Variants in SVEP1 observed in about 807,000 individuals in gnomAD.
The protein encoded by SVEP1 is sushi, von Willebrand factor type A, EGF and pentraxin domain-containing protein 1.
SVEP1 carries 164 observed loss-of-function variants against 367.3 expected under a neutral mutation model. That is an observed-to-expected ratio of 0.45 (90% CI 0.39 to 0.51). SVEP1 has a LOEUF of 0.51. SVEP1 is among the 20% of genes least tolerant of loss of function. SVEP1 has a pLI of 0.00. For missense variants in SVEP1, 4,117 were observed against 4,425.3 expected, an observed-to-expected ratio of 0.93 and a Z score of 1.98; for synonymous variants, 1,666 against 1,611.6, an observed-to-expected ratio of 1.03 and a Z score of -0.81.
chr9:110,488,591 G>C (rs1261457311), intron 9 of SVEP1, among the ~76,000 whole-genome samples: 1 of 152,160 alleles, frequency 6.6e-6, no homozygotes, highest in Non-Finnish European at 1.5e-5. Context: ...GCTGGGTGTG[G>C]TGGCTCACAC....
rs543142891 is a variant in SVEP1 at position 110,579,431 on chromosome 9, G to A, written c.113C>T (p.Thr38Ile). 3 of 1,590,074 alleles carry A rather than the reference G, an allele frequency of 1.9e-6. No homozygotes were observed. Among genetic ancestry groups the A allele is most frequent in the South Asian group, 1.1e-5 (1 of 87,934 alleles). Residue 38 changes from threonine (T) to isoleucine (I), a missense_variant, in exon 1 of 48, where the codon ACC becomes ATC. By Grantham distance (89) the Thr-to-Ile change is moderately conservative (BLOSUM62 -1). Transcript: ENST00000374469. This position sits in a 1 kb window ranked among gnomAD's most constrained non-coding sequence, Gnocchi z 5.3. ...RNFSFRLFPE[T>I]APGAPGSIPA... ...GATACTCCCGGGGGCCCCGGGCGCG[G>A]TCTCGGGGAAGAGGCGGAAGCTGAA... is the stretch of plus-strand genomic sequence containing the variant.
intron 3 of SVEP1, among the ~76,000 whole-genome samples, chr9:110,543,494 C>A (rs150578368): frequency 6.6e-6 from 1 of 152,188 alleles, no homozygotes; most frequent in Non-Finnish European, 1.5e-5. Flanking sequence ...GACTGCTGCG[C>A]CTTTCATCCT....
At chr9:110,505,382 T>A (rs1829608267) in intron 5 of SVEP1, among the ~76,000 whole-genome samples, 1 of 152,064 alleles carries the variant, frequency 6.6e-6, no homozygotes. Context: ...TCCACCAGGG[T>A]TATCCACATG....
chr9:110,493,485 A>C (rs987947279), intron 8 of SVEP1, among the ~76,000 whole-genome samples: 31 of 152,178 alleles, frequency 2.0e-4, no homozygotes, highest in African/African-American at 7.0e-4. Flanking sequence ...CTGTAATCCC[A>C]GCACTTTGGG....
At chr9:110,516,793 T>G (rs1024414775) in intron 3 of SVEP1, among the ~76,000 whole-genome samples, 2 of 152,194 alleles carry the variant, frequency 1.3e-5, no homozygotes, top group African/African-American at 4.8e-5. Context: ...GTGATATTAG[T>G]GCAAAGATAC....
Position 110,406,334 on chromosome 9 carries a change from C to G in SVEP1, c.9266G>C (p.Ser3089Thr), listed in dbSNP as rs2118489346. 6.2e-7 allele frequency: 1 copy of G among 1,614,068 alleles called. No individual in the cohort carries two copies. The highest frequency in any genetic ancestry group is 2.2e-5 in the East Asian group (1 of 44,894). The change falls in exon 38 of 48, where the codon AGC (serine) becomes ACC (threonine). Residue 3089 changes from serine to threonine, a missense_variant. Around this residue, in one of 4 missense-constraint regions of SVEP1, gnomAD observed 1,765 missense variants for 1,781.1 expected, o/e 0.99. Transcript: ENST00000374469. ...SSWKENVITYSCRSGYVIQGS... is the reference protein window; with the variant it reads ...SSWKENVITYTCRSGYVIQGS... ...TTGTATGACATATCCAGACCTGCAG[C>G]TGTAAGTTATCACATTTTCCTTCCA...
rs10980451 is a variant in SVEP1, at chr9:110,569,988, C to T, written c.531+9025G>A. Among the ~76,000 whole-genome samples, 3,381 of 152,214 alleles carry T rather than the reference C, an allele frequency of 0.022. 222 individuals are homozygous for T. In the East Asian group the frequency reaches 0.26, roughly 12 times the overall value. On this transcript the variant is annotated intron_variant, in intron 1 of 47. Transcript: ENST00000374469. ...GGGGAAAATGCATCTACTGATGATT[C>T]ACATATTGCATTTTCTGAGTGCTAT...
chr9:110,488,860 G>A (rs1359365553), intron 9 of SVEP1, among the ~76,000 whole-genome samples: 9 of 152,042 alleles, frequency 5.9e-5, no homozygotes, highest in Admixed American at 2.0e-4. Flanking sequence ...TCTGGAGGAC[G>A]GAGTGAGACC....
At chr9:110,538,840 G>C (rs1262134295) in intron 3 of SVEP1, among the ~76,000 whole-genome samples, 2 of 152,010 alleles carry the variant, frequency 1.3e-5, no homozygotes, top group Non-Finnish European at 2.9e-5. Flanking sequence ...TTGGATTTAC[G>C]ACCAGAGTTC....
intron 46 of SVEP1, among the ~76,000 whole-genome samples, 158 bp from the exon 47 acceptor site, chr9:110,370,174 C>T (rs1827255292): frequency 6.6e-6 from 1 of 152,044 alleles, no homozygotes; most frequent in African/African-American, 2.4e-5. Context: ...TTCTGCTTGA[C>T]TTCACATCCT....
intron 1 of SVEP1, among the ~76,000 whole-genome samples, chr9:110,575,852 A>G (rs942059401): frequency 6.6e-6 from 1 of 152,224 alleles, no homozygotes; most frequent in Admixed American, 6.5e-5. Flanking sequence ...GTATTCAAAA[A>G]AAGGAGCTAT....
intron 39 of SVEP1, 101 bp from the exon 40 acceptor site, chr9:110,401,110 G>A: frequency 2.8e-6 from 4 of 1,444,218 alleles, no homozygotes; most frequent in Non-Finnish European, 3.7e-6. Context: ...TCTCCAAAAT[G>A]ATAGTCAAAA....
intron 3 of SVEP1, among the ~76,000 whole-genome samples, chr9:110,530,408 C>T (rs779968010): frequency 3.9e-5 from 6 of 152,206 alleles, no homozygotes; most frequent in African/African-American, 7.2e-5. Flanking sequence ...CATTGCTTTA[C>T]GGACACTTTG....
intron 1 of SVEP1, among the ~76,000 whole-genome samples, chr9:110,554,196 GA>G (rs993452380): frequency 3.3e-5 from 5 of 152,076 alleles, no homozygotes; most frequent in African/African-American, 1.2e-4. Flanking sequence ...ATCTGGTAAG[GA>G]AAGTCTACCA....
At chr9:110,388,081 A>C (rs1459886472) in intron 41 of SVEP1, among the ~76,000 whole-genome samples, 1 of 152,200 alleles carries the variant, frequency 6.6e-6, no homozygotes, top group African/African-American at 2.4e-5. Flanking sequence ...GAAGTTAAAT[A>C]ATTTGGTCAA....
At chr9:110,496,988 A>C in intron 7 of SVEP1, 55 bp from the exon 8 acceptor site, 14 of 1,170,226 alleles carry the variant, frequency 1.2e-5, no homozygotes, top group South Asian at 1.5e-5. Flanking sequence ...GTCCTAGATC[A>C]TTTAAGGAAG....
intron 22 of SVEP1, among the ~76,000 whole-genome samples, chr9:110,454,753 A>T (rs959893480): frequency 6.6e-6 from 1 of 152,176 alleles, no homozygotes; most frequent in African/African-American, 2.4e-5. Context: ...TGGGAGCTAA[A>T]CATTGAGTAC....
intron 35 of SVEP1, among the ~76,000 whole-genome samples, chr9:110,428,154 AG>A (rs1174936943): frequency 6.6e-6 from 1 of 152,140 alleles, no homozygotes; most frequent in African/African-American, 2.4e-5. Context: ...CTAAGGTCAA[AG>A]GGAACTGTCC....
intron 40 of SVEP1, among the ~76,000 whole-genome samples, chr9:110,396,617 A>G (rs865936255): frequency 6.2e-4 from 93 of 149,504 alleles, no homozygotes; most frequent in Middle Eastern, 7.0e-3. Context: ...CTAATAAGAA[A>G]AGAGAGAAGA....
Sources: allele counts gnomAD v4.1 joint callset (sites outside exome capture counted in the v4.1 genomes callset), GRCh38; gene constraint gnomAD v4.1.1; regional missense constraint gnomAD v4.1.1; non-coding constraint Gnocchi (gnomAD v3.1); transcripts MANE v1.5; gene names NCBI Gene and HGNC (gene_info 2026-07-23, HGNC 2026-07-21).